The following ATG16L1 variants were observed in gnomAD, a reference collection of about 807,000 sequenced individuals.
ATG16L1 encodes autophagy related 16 like 1.
A neutral mutation model predicts 88.5 loss-of-function variants in ATG16L1; 37 were observed. That is an observed-to-expected ratio of 0.42 (90% CI 0.32 to 0.55). ATG16L1 has a LOEUF of 0.55. Among genes scored for constraint, ATG16L1 ranks in the 20% least tolerant of loss-of-function variants. ATG16L1 has a pLI of 0.13. For missense variants in ATG16L1, 554 were observed against 752.8 expected, an observed-to-expected ratio of 0.74 and a Z score of 3.09; for synonymous variants, 301 against 281.0, an observed-to-expected ratio of 1.07 and a Z score of -0.71.
intron 12 of ATG16L1, among the ~76,000 whole-genome samples, chr2:233,283,950 T>G (rs992694785): frequency 2.0e-5 from 3 of 151,772 alleles, no homozygotes; most frequent in Admixed American, 2.0e-4. Flanking sequence ...GTTCAAGCAA[T>G]TCTCCTGCCT....
chr2:233,261,272 T>C (rs1697192866), intron 2 of ATG16L1, among the ~76,000 whole-genome samples: 1 of 152,148 alleles, frequency 6.6e-6, no homozygotes, highest in African/African-American at 2.4e-5. Context: ...AGTTTTTATT[T>C]CATGAATCTG....
chr2:233,292,195 A>G lies in ATG16L1; in HGVS notation c.1498A>G (p.Arg500Gly). The change falls in exon 15 of 18, where the codon AGG becomes GGG. Residue 500 changes from arginine to glycine, a missense_variant. Physicochemically the swap from Arg to Gly is moderately radical, Grantham distance 125 (BLOSUM62 -2). This residue lies in a region of ATG16L1 where 370 missense variants were observed against 509.7 expected (regional missense o/e 0.73). Coordinates refer to ENST00000392017, the MANE Select transcript of ATG16L1 (RefSeq NM_030803.7). ...KITALDLNPE[R>G]TELLSCSRDD... ...TACTGCCCTGGACTTAAACCCAGAA[A>G]GGACTGAGCTCCTGAGCTGCTCCCG... The G allele has an allele frequency of 6.2e-7, 1 of 1,614,254 alleles. No homozygotes were observed. Among genetic ancestry groups the G allele is most frequent in the East Asian group, 2.2e-5 (1 of 44,890 alleles).
intron 2 of ATG16L1, 73 bp downstream of exon 2, chr2:233,256,268 T>G: frequency 7.7e-7 from 1 of 1,292,522 alleles, no homozygotes; most frequent in Non-Finnish European, 1.1e-6. Context: ...GTCACTTCTC[T>G]AATTTAAAAG....
chr2:233,256,249 A>C (rs1470252601), intron 2 of ATG16L1, 54 bp downstream of exon 2: 3 of 1,428,496 alleles, frequency 2.1e-6, no homozygotes, highest in Non-Finnish European at 2.9e-6. Flanking sequence ...AATTTATCTC[A>C]GTTCAGTTGT....
At chr2:233,270,606 A>G (rs1315459997) in intron 6 of ATG16L1, among the ~76,000 whole-genome samples, 2 of 152,172 alleles carry the variant, frequency 1.3e-5, no homozygotes. Flanking sequence ...TGTGCCTGCC[A>G]TGTAATGCGG....
At chr2:233,275,552 C>G (rs895366884) in intron 9 of ATG16L1, 2 of 360,742 alleles carry the variant, frequency 5.5e-6, no homozygotes, top group African/African-American at 4.3e-5. Context: ...GCTTTGGGTT[C>G]CAGGTATAAG....
chr2:233,255,120 A>C (rs1304448951), intron 1 of ATG16L1, among the ~76,000 whole-genome samples: 2 of 152,052 alleles, frequency 1.3e-5, no homozygotes, highest in Non-Finnish European at 2.9e-5. Context: ...ACTGTGGGCA[A>C]GTGCCACCGT....
chr2:233,276,369 T>C (rs981969796), intron 9 of ATG16L1, among the ~76,000 whole-genome samples: 10 of 152,220 alleles, frequency 6.6e-5, no homozygotes, highest in South Asian at 4.1e-4. Context: ...CCCACACTTA[T>C]GCTGGAGCAA....
At chr2:233,261,258 TGTTA>T (rs1198908663) in intron 2 of ATG16L1, among the ~76,000 whole-genome samples, 1 of 152,112 alleles carries the variant, frequency 6.6e-6, no homozygotes, top group Non-Finnish European at 1.5e-5. Flanking sequence ...CCCGGCCTGT[TGTTA>T]GTTTTTATTT....
At chr2:233,261,366 T>TAGTG (rs1438770874) in intron 2 of ATG16L1, among the ~76,000 whole-genome samples, 1 of 152,188 alleles carries the variant, frequency 6.6e-6, no homozygotes, top group East Asian at 1.9e-4. Context: ...CAGGGCAACA[T>TAGTG]AGTGAGATAC....
At chr2:233,270,121 A>C (rs1559390360) in intron 6 of ATG16L1, 54 bp downstream of exon 6, 2 of 1,516,378 alleles carry the variant, frequency 1.3e-6, no homozygotes, top group Non-Finnish European at 8.8e-7. Context: ...GGCTCTCTTA[A>C]AAGTTTTGTT....
chr2:233,294,052 CTTAA>C (rs150346682), intron 17 of ATG16L1, among the ~76,000 whole-genome samples: 2,106 of 152,344 alleles, frequency 0.014, 46 homozygotes, highest in African/African-American at 0.049. Flanking sequence ...CCCAGCATGA[CTTAA>C]TTAAGTACAC....
intron 15 of ATG16L1, 48 bp from the exon 16 acceptor site, chr2:233,292,339 T>G (rs763085783): frequency 1.2e-6 from 2 of 1,614,212 alleles, no homozygotes; most frequent in Non-Finnish European, 1.7e-6. Flanking sequence ...CTTAACGTGC[T>G]GCGTGGCCTG....
intron 12 of ATG16L1, among the ~76,000 whole-genome samples, chr2:233,284,051 C>T (rs1191331668): frequency 6.7e-6 from 1 of 149,008 alleles, no homozygotes; most frequent in African/African-American, 2.5e-5. Context: ...GTTTCACCAT[C>T]TTGGACAGGC....
chr2:233,286,621 C>CTTTTTTTTTTTTTTT (rs10676895), intron 12 of ATG16L1, among the ~76,000 whole-genome samples: 9 of 93,290 alleles, frequency 9.6e-5, no homozygotes, highest in African/African-American at 3.7e-4. Context: ...GAAGCCCAAA[C>CTTTTTTTTTTTTTTT]TTTTTTTTTT....
chr2:233,263,081 C>G lies in ATG16L1; in HGVS notation c.210-49C>G. The G allele has an allele frequency of 2.0e-6, 3 of 1,512,832 alleles. No homozygotes were observed. The South Asian group carries it at 3.4e-5, about 17-fold the overall frequency. The allele number at this position is 1,512,832 out of a possible 1,614,324, so 93.7% of individuals were successfully genotyped here. A position where few individuals can be genotyped will look rare whatever the true frequency, so the allele number is the denominator to read the frequency against. On this transcript the variant is annotated intron_variant, in intron 2 of 17. Transcript: ENST00000392017. ...GAAAGGTTTGGAGTCTCATTTTTCC[C>G]CCTCCGTTTTTTGCACATTCTCTTC...
chr2:233,273,941 T>C (rs1205441023), intron 8 of ATG16L1, 164 bp downstream of exon 8: 3 of 1,543,852 alleles, frequency 1.9e-6, no homozygotes, highest in Non-Finnish European at 2.6e-6. Context: ...TTCCTCAACT[T>C]CCTTTCCTCT....
At chr2:233,273,580 T>G in intron 7 of ATG16L1, 141 bp from the exon 8 acceptor site, 1 of 713,598 alleles carries the variant, frequency 1.4e-6, no homozygotes, top group Non-Finnish European at 2.4e-6. Context: ...AGTTTGGTAC[T>G]GTGTTGGGTT....
intron 4 of ATG16L1, 46 bp downstream of exon 4, chr2:233,264,111 TG>T: frequency 6.3e-7 from 1 of 1,597,694 alleles, no homozygotes; most frequent in Non-Finnish European, 8.6e-7. Flanking sequence ...TTGGGTCCCA[TG>T]TCCTTTGTTC....
Sources: allele counts gnomAD v4.1 joint callset (sites outside exome capture counted in the v4.1 genomes callset), GRCh38; gene constraint gnomAD v4.1.1; regional missense constraint gnomAD v4.1.1; transcripts MANE v1.5; gene names NCBI Gene and HGNC (gene_info 2026-07-23, HGNC 2026-07-21).